The following MMP24 variants were observed in gnomAD, a reference collection of about 807,000 sequenced individuals.
MMP24 encodes matrix metalloproteinase-24.
In MMP24, 25 loss-of-function variants were observed where a neutral mutation model predicts 62.8. The observed-to-expected ratio is 0.40, with a 90% CI of 0.29 to 0.56. The LOEUF is 0.56. Ranked by LOEUF, MMP24 falls within the 20% of genes least tolerant of loss-of-function variation. The pLI is 0.50. For synonymous variants in MMP24, 319 were observed against 350.5 expected (o/e 0.91, Z 1.00); for missense variants, 634 against 853.6 (o/e 0.74, Z 3.21).
Position 35,226,890 on chromosome 20 carries a change from GGGCGGCGGCGGC to G in MMP24, c.161_172del (p.Ala54_Ala57del). 1 of 977,176 alleles carries G rather than the reference GGGCGGCGGCGGC, an allele frequency of 1.0e-6. No individual in the cohort carries two copies. Among genetic ancestry groups the G allele is most frequent in the Non-Finnish European group, 1.2e-6 (1 of 826,196 alleles). The allele number at this position is 977,176 out of a possible 1,614,324, so 60.5% of individuals were successfully genotyped here. A position where few individuals can be genotyped will look rare whatever the true frequency, so the allele number is the denominator to read the frequency against. On this transcript the variant is annotated inframe_deletion, in exon 1 of 9. Transcript: ENST00000246186. ...CTCTGCTGCCTCCCGGGCGCCGCGC[GGGCGGCGGCGGC>G]GGCGGCGGGGGCAGGGAACCGGGCA... is the stretch of plus-strand genomic sequence containing the variant.
At chr20:35,248,412 TCTC>T (rs1304297206) in intron 2 of MMP24, among the ~76,000 whole-genome samples, 1 of 151,404 alleles carries the variant, frequency 6.6e-6, no homozygotes, top group Non-Finnish European at 1.5e-5. Context: ...TTCAAGCGAT[TCTC>T]CTGCCTCAGC....
At chr20:35,230,639 T>C (rs577180809) in intron 1 of MMP24, among the ~76,000 whole-genome samples, 1 of 152,316 alleles carries the variant, frequency 6.6e-6, no homozygotes, top group Admixed American at 6.5e-5. Context: ...CCTTCAGAAC[T>C]CTTTAGGTAG....
At chr20:35,264,707 C>CAAAAAAAAAAAA (rs57309455) in intron 5 of MMP24, among the ~76,000 whole-genome samples, 33 of 43,544 alleles carry the variant, frequency 7.6e-4, no homozygotes, top group East Asian at 1.2e-3. Context: ...GACTCCGTCT[C>CAAAAAAAAAAAA]AAAAAAAAAA....
chr20:35,235,315 G>T (rs921067128), intron 1 of MMP24, among the ~76,000 whole-genome samples: 1 of 151,972 alleles, frequency 6.6e-6, no homozygotes, highest in African/African-American at 2.4e-5. Context: ...GAGGCAGGAG[G>T]ATTGCTTGAG....
chr20:35,257,210 A>C (rs2060579364), intron 4 of MMP24, among the ~76,000 whole-genome samples: 1 of 152,222 alleles, frequency 6.6e-6, no homozygotes, highest in South Asian at 2.1e-4. Context: ...GGTTTGGCCA[A>C]GGCTCAGCCT....
At chr20:35,265,390 TGAG>T (rs1032401516) in intron 5 of MMP24, among the ~76,000 whole-genome samples, 19 of 150,948 alleles carry the variant, frequency 1.3e-4, no homozygotes, top group African/African-American at 4.6e-4. Context: ...TGCAGTGAGC[TGAG>T]ATCACACCAC....
intron 5 of MMP24, among the ~76,000 whole-genome samples, chr20:35,264,770 C>T (rs2060623913): frequency 6.9e-6 from 1 of 145,058 alleles, no homozygotes; most frequent in Non-Finnish European, 1.5e-5. Flanking sequence ...GAAGCTACTG[C>T]TATCTAGGTA....
chr20:35,245,383 C>G (rs1465603813), intron 1 of MMP24, among the ~76,000 whole-genome samples: 1 of 152,086 alleles, frequency 6.6e-6, no homozygotes, highest in South Asian at 2.1e-4. Flanking sequence ...ACTATACTTA[C>G]TTTATCTCTC....
At chr20:35,261,180 C>T (rs141554821) in intron 4 of MMP24, among the ~76,000 whole-genome samples, 57 of 152,332 alleles carry the variant, frequency 3.7e-4, no homozygotes, top group Non-Finnish European at 5.6e-4. Flanking sequence ...ACTTCATCCC[C>T]CTAAGTTCAG....
Position 35,255,702 on chromosome 20 carries a change from A to G in MMP24, c.817+948A>G, listed in dbSNP as rs917120368. On this transcript the variant is annotated intron_variant, in intron 4 of 8. Transcript: ENST00000246186. ...GATGAAGAGTTGGGGCTCAACTGGCATAGCTGAAAGGTGACAATGCAGGTA... is the reference window on the plus strand; with the variant it reads ...GATGAAGAGTTGGGGCTCAACTGGCGTAGCTGAAAGGTGACAATGCAGGTA... Among the ~76,000 whole-genome samples, 158 of 152,328 alleles carry G rather than the reference A, an allele frequency of 1.0e-3. 4 individuals carry two copies. The highest frequency in any genetic ancestry group is 1.9e-4 in the Non-Finnish European group (13 of 68,036).
intron 1 of MMP24, among the ~76,000 whole-genome samples, chr20:35,239,713 G>A (rs1489818449): frequency 6.6e-6 from 1 of 152,212 alleles, no homozygotes; most frequent in Non-Finnish European, 1.5e-5. Context: ...TGTAGTCCCA[G>A]CTACTCAGGA....
chr20:35,268,795 A>C (rs950670444), intron 6 of MMP24, among the ~76,000 whole-genome samples: 2 of 150,114 alleles, frequency 1.3e-5, no homozygotes, highest in Admixed American at 6.6e-5. Flanking sequence ...TGGGAGGCCA[A>C]GGAGGGCGGA....
Position 35,276,668 on chromosome 20 carries a change from C to T in MMP24, c.*2059C>T, listed in dbSNP as rs748616074. 5.7e-6 allele frequency: 1 copy of T among 175,132 alleles called. No individual in the cohort carries two copies. The highest frequency in any genetic ancestry group is 1.5e-4 in the East Asian group (1 of 6,758). The allele number at this position is 175,132 out of a possible 1,614,324, so 10.8% of individuals were successfully genotyped here. On this transcript the variant is annotated 3_prime_UTR_variant, in exon 9 of 9. Transcript: ENST00000246186. Reference sequence around the variant, plus strand: ...GAAAGCTCTAGGCACCCCCGCCTCCCGCCAGGCTCCCCATTGGCTCCTGGC... The same window carrying T: ...GAAAGCTCTAGGCACCCCCGCCTCCTGCCAGGCTCCCCATTGGCTCCTGGC...
rs757018501 is a variant in MMP24 at position 35,246,983 on chromosome 20, G to A, written c.390G>A (p.Thr130=). ...TCACCGGTGTGTTGGATCAGACAAC[G>A]ATCGAGTAAGATTTCCATAGGACAT... ...IPVTGVLDQT[T]IEWMKKPRCG... is the part of the protein sequence containing the mutation. Residue 130 remains threonine, a synonymous_variant, in exon 2 of 9, where the codon ACG becomes ACA. Coordinates refer to ENST00000246186, the MANE Select transcript of MMP24 (RefSeq NM_006690.4). The A allele has an allele frequency of 1.4e-5, 23 of 1,613,896 alleles. No individual in the cohort carries two copies. Among genetic ancestry groups the A allele is most frequent in the South Asian group, 3.3e-5 (3 of 91,080 alleles).
At chr20:35,228,883 T>C (rs1181652934) in intron 1 of MMP24, among the ~76,000 whole-genome samples, 1 of 152,190 alleles carries the variant, frequency 6.6e-6, no homozygotes, top group Non-Finnish European at 1.5e-5. Context: ...AACTTGACCA[T>C]TGTCTCCAGA....
At chr20:35,231,410 C>A (rs992765955) in intron 1 of MMP24, among the ~76,000 whole-genome samples, 4 of 152,162 alleles carry the variant, frequency 2.6e-5, no homozygotes, top group African/African-American at 7.2e-5. Context: ...TCAAAATATT[C>A]TTTCACTGTG....
chr20:35,236,258 C>G (rs1303533015), intron 1 of MMP24: 1 of 152,196 alleles, frequency 6.6e-6, no homozygotes, highest in Non-Finnish European at 1.5e-5. Context: ...TGTAGCATGA[C>G]AGAAAACCCT....
chr20:35,234,835 A>G (rs2060454996), intron 1 of MMP24, among the ~76,000 whole-genome samples: 1 of 152,172 alleles, frequency 6.6e-6, no homozygotes, highest in African/African-American at 2.4e-5. Context: ...TGAGACCAAG[A>G]GTTTGAGGTC....
intron 4 of MMP24, among the ~76,000 whole-genome samples, chr20:35,261,912 T>G (rs2060605504): frequency 6.6e-6 from 1 of 150,952 alleles, no homozygotes; most frequent in Non-Finnish European, 1.5e-5. Context: ...GCGATTCTCC[T>G]GCCTCTACCT....
Sources: gnomAD v4.1 joint callset for allele counts (sites outside exome capture counted in the v4.1 genomes callset) on GRCh38, gnomAD v4.1.1 for gene constraint, MANE v1.5 for transcripts, NCBI Gene and HGNC (gene_info 2026-07-23, HGNC 2026-07-21) for gene names.